OPCML: variants seen among roughly 807,000 people sequenced by gnomAD.
OPCML encodes the protein opioid-binding protein/cell adhesion molecule.
OPCML carries 13 observed loss-of-function variants against 37.8 expected under a neutral mutation model. The observed-to-expected ratio is 0.34, with a 90% CI of 0.22 to 0.55. The LOEUF (loss-of-function observed/expected upper bound fraction) is 0.55, where lower values mean the gene tolerates loss of function less well. OPCML is among the 20% of genes least tolerant of loss of function. The pLI is 0.91. For missense variants in OPCML, 341 were observed against 435.6 expected (o/e 0.78, Z 1.93); for synonymous variants, 176 against 168.8 (o/e 1.04, Z -0.33).
At chr11:133,048,684 G>T (rs1948070399) in intron 1 of OPCML, among the ~76,000 whole-genome samples, 1 of 152,110 alleles carries the variant, frequency 6.6e-6, no homozygotes, top group African/African-American at 2.4e-5. Flanking sequence ...CCAGAAGAAA[G>T]AACTATACAG....
intron 2 of OPCML, among the ~76,000 whole-genome samples, chr11:132,861,419 TC>T (rs1942294420): frequency 6.6e-6 from 1 of 152,228 alleles, no homozygotes; most frequent in Admixed American, 6.5e-5. Context: ...AATTATGTAT[TC>T]AAAAATGTCT....
chr11:133,006,609 C>T (rs963270100), intron 1 of OPCML: 14 of 985,300 alleles, frequency 1.4e-5, no homozygotes, highest in African/African-American at 3.5e-5. Flanking sequence ...CGAACCATGC[C>T]CCACTGGCCA....
At chr11:133,260,007 A>G (rs1441956537) in intron 1 of OPCML, among the ~76,000 whole-genome samples, 1 of 152,198 alleles carries the variant, frequency 6.6e-6, no homozygotes, top group Admixed American at 6.5e-5. Flanking sequence ...ATATATGGGC[A>G]TCGGTAACAA....
At chr11:132,846,000 G>T (rs967866876) in intron 2 of OPCML, among the ~76,000 whole-genome samples, 1 of 152,070 alleles carries the variant, frequency 6.6e-6, no homozygotes, top group Non-Finnish European at 1.5e-5. Flanking sequence ...GCTTCAGAAC[G>T]CTGAGAGCAA....
chr11:133,012,635 G>A (rs1947240596), intron 1 of OPCML, among the ~76,000 whole-genome samples: 1 of 152,144 alleles, frequency 6.6e-6, no homozygotes, highest in Non-Finnish European at 1.5e-5. Context: ...CAGCACTTTG[G>A]GAGGCCGAGG....
At chr11:132,593,152 C>T (rs1286617315) in intron 3 of OPCML, among the ~76,000 whole-genome samples, 1 of 152,106 alleles carries the variant, frequency 6.6e-6, no homozygotes, top group Non-Finnish European at 1.5e-5. Context: ...TGGCACTGGG[C>T]AGGAGCCTGT....
rs921585947 is a variant in OPCML at position 133,008,458 on chromosome 11, T to C, written c.62-65448A>G. 5.1e-6 allele frequency: 5 copies of C among 979,054 alleles called. No individual in the cohort carries two copies. In the African/African-American group the frequency reaches 5.3e-5, roughly 10 times the overall value. 60.6% of individuals were successfully genotyped at this position (979,054 alleles called of 1,614,324 possible). A position where few individuals can be genotyped will look rare whatever the true frequency, so the allele number is the denominator to read the frequency against. The stretch of plus-strand genomic sequence containing the variant: ...TTTCTGATTGTGGTAGATGCCATGA[T>C]GCAGTCCCCAGATTCCCTTTGGGAG... On this transcript the variant is annotated intron_variant, in intron 1 of 7. Coordinates refer to ENST00000524381, the MANE Select transcript of OPCML (RefSeq NM_001012393.5).
At chr11:132,787,454 A>T (rs905168392) in intron 2 of OPCML, among the ~76,000 whole-genome samples, 1 of 152,176 alleles carries the variant, frequency 6.6e-6, no homozygotes, top group Non-Finnish European at 1.5e-5. Context: ...TTACTAATTG[A>T]GGGCAAATCG....
At chr11:132,886,701 C>T (rs1318547195) in intron 2 of OPCML, among the ~76,000 whole-genome samples, 1 of 152,206 alleles carries the variant, frequency 6.6e-6, no homozygotes, top group African/African-American at 2.4e-5. Flanking sequence ...GGGGCCCAGA[C>T]TCCTCCCTGT....
chr11:132,692,990 G>A (rs1943463138), intron 2 of OPCML, among the ~76,000 whole-genome samples: 1 of 152,218 alleles, frequency 6.6e-6, no homozygotes, highest in South Asian at 2.1e-4. Flanking sequence ...ACAATGCACA[G>A]TATTTGACTT....
At chr11:133,023,335 C>T (rs941900973) in intron 1 of OPCML, among the ~76,000 whole-genome samples, 1 of 152,184 alleles carries the variant, frequency 6.6e-6, no homozygotes, top group South Asian at 2.1e-4. Context: ...GTTTTGCCTG[C>T]GGGTTGTGTG....
intron 1 of OPCML, among the ~76,000 whole-genome samples, chr11:133,425,385 G>A (rs984799631): frequency 2.4e-4 from 37 of 152,150 alleles, no homozygotes; most frequent in African/African-American, 8.4e-4. Context: ...GGGTGTTGCA[G>A]GTTCACTGCC....
At chr11:133,209,749 T>A (rs1329844756) in intron 1 of OPCML, among the ~76,000 whole-genome samples, 1 of 152,068 alleles carries the variant, frequency 6.6e-6, no homozygotes, top group East Asian at 1.9e-4. Flanking sequence ...ACTAGAGATA[T>A]CTAAAAAGGC....
At chr11:132,885,300 C>G (rs11223261) in intron 2 of OPCML, among the ~76,000 whole-genome samples, 8,240 of 152,272 alleles carry the variant, frequency 0.054, 349 homozygotes, top group South Asian at 0.14. Context: ...TAGAAAGGAG[C>G]TAGCATGTTC....
chr11:132,767,581 G>A (rs894983378), intron 2 of OPCML, among the ~76,000 whole-genome samples: 2 of 152,100 alleles, frequency 1.3e-5, no homozygotes, highest in Non-Finnish European at 2.9e-5. Context: ...TATGCCATTT[G>A]CTCCCTCTGG....
chr11:132,777,124 CT>C (rs1297331431), intron 2 of OPCML, among the ~76,000 whole-genome samples: 1 of 152,200 alleles, frequency 6.6e-6, no homozygotes, highest in Non-Finnish European at 1.5e-5. Flanking sequence ...ACTTTCTTAA[CT>C]TTGTGGTACT....
chr11:133,152,987 T>C (rs1361005665), intron 1 of OPCML, among the ~76,000 whole-genome samples: 2 of 152,010 alleles, frequency 1.3e-5, no homozygotes, highest in Admixed American at 1.3e-4. Context: ...GAGGGAGCAG[T>C]CTCCACAGCG....
chr11:133,523,891 G>A (rs1948439961), intron 1 of OPCML, among the ~76,000 whole-genome samples: 1 of 152,146 alleles, frequency 6.6e-6, no homozygotes, highest in Non-Finnish European at 1.5e-5. Context: ...CATAACCAAG[G>A]CTTCACCAGC....
chr11:132,426,698 C>G (rs753652672), intron 7 of OPCML, among the ~76,000 whole-genome samples: 4 of 152,202 alleles, frequency 2.6e-5, no homozygotes, highest in African/African-American at 4.8e-5. Flanking sequence ...TCCCAAAATG[C>G]TGGAATTACA....
Sources: allele counts gnomAD v4.1 joint callset (sites outside exome capture counted in the v4.1 genomes callset), GRCh38; gene constraint gnomAD v4.1.1; transcripts MANE v1.5; gene names NCBI Gene and HGNC (gene_info 2026-07-23, HGNC 2026-07-21).